Variants in MAP7 observed in about 807,000 individuals in gnomAD.
MAP7 encodes ensconsin.
A neutral mutation model predicts 94.8 loss-of-function variants in MAP7; 52 were observed. That is an observed-to-expected ratio of 0.55 (90% CI 0.44 to 0.69). The LOEUF (loss-of-function observed/expected upper bound fraction) is 0.69, where lower values mean the gene tolerates loss of function less well. MAP7 is among the 30% of genes least tolerant of loss of function. The pLI is 0.00. For missense variants in MAP7, 940 were observed against 964.6 expected (o/e 0.97, Z 0.34); for synonymous variants, 350 against 357.0 (o/e 0.98, Z 0.22).
At chr6:136,363,016 T>G (rs1207080725) in intron 10 of MAP7, among the ~76,000 whole-genome samples, 1 of 152,222 alleles carries the variant, frequency 6.6e-6, no homozygotes, top group African/African-American at 2.4e-5. Flanking sequence ...TGGGGAGTTA[T>G]ACACTGAGCA....
intron 16 of MAP7, among the ~76,000 whole-genome samples, chr6:136,350,991 A>C (rs1318626116): frequency 6.6e-6 from 1 of 152,224 alleles, no homozygotes; most frequent in Non-Finnish European, 1.5e-5. Flanking sequence ...AAGCAGGATA[A>C]AATTTAAGTA....
chr6:136,463,784 T>C (rs778967034), intron 1 of MAP7, among the ~76,000 whole-genome samples: 3 of 152,166 alleles, frequency 2.0e-5, no homozygotes, highest in Non-Finnish European at 4.4e-5. Flanking sequence ...CAGGCAAACA[T>C]GAAGTGTTGG....
In MAP7 at chr6:136,454,988, G is replaced by T. The variant is rs77476360; in HGVS notation, c.68-33189C>A. On this transcript the variant is annotated intron_variant, in intron 1 of 17. Transcript: ENST00000354570. ...TTGGCCAAGAGAAGAGACACTAGGA[G>T]ACAAAAATTGCCTTAAACTTATGCT... 2.8e-3 allele frequency among the ~76,000 whole-genome samples: 428 copies of T among 152,124 alleles called. 3 individuals are homozygous for T. The highest frequency in any genetic ancestry group is 9.6e-3 in the African/African-American group (398 of 41,490).
At chr6:136,362,412 C>A in intron 11 of MAP7, 38 bp downstream of exon 11, 1 of 1,605,884 alleles carries the variant, frequency 6.2e-7, no homozygotes, top group South Asian at 1.1e-5. Context: ...TCCAAAGTAT[C>A]ACTGACACCA....
intron 17 of MAP7, among the ~76,000 whole-genome samples, chr6:136,345,084 T>C (rs1297025564): frequency 1.3e-5 from 2 of 152,198 alleles, no homozygotes; most frequent in African/African-American, 4.8e-5. Flanking sequence ...GGAGCACAGA[T>C]TATCTTGCTA....
At chr6:136,381,771 T>C (rs1014067607) in intron 6 of MAP7, among the ~76,000 whole-genome samples, 2 of 151,898 alleles carry the variant, frequency 1.3e-5, no homozygotes, top group Non-Finnish European at 2.9e-5. Context: ...GCCTCTACCA[T>C]GATTCATAGG....
chr6:136,411,598 A>G, intron 3 of MAP7, 22 bp downstream of exon 3: 2 of 1,552,796 alleles, frequency 1.3e-6, no homozygotes, highest in Non-Finnish European at 8.7e-7. Context: ...AATCAGGGCC[A>G]TGGACACGGG....
intron 1 of MAP7, among the ~76,000 whole-genome samples, chr6:136,549,137 T>A (rs1302832399): frequency 1.3e-5 from 2 of 152,212 alleles, no homozygotes; most frequent in Non-Finnish European, 2.9e-5. Context: ...AGCAGATACA[T>A]AATTTGCAAA....
chr6:136,456,764 G>GAAGAAGAA (rs1803047596), intron 1 of MAP7, among the ~76,000 whole-genome samples: 4 of 24,358 alleles, frequency 1.6e-4, no homozygotes, highest in African/African-American at 6.5e-4. Context: ...AGGAGGAGGA[G>GAAGAAGAA]GAGGAAGAAG....
At chr6:136,448,905 TAGA>T (rs1002786303) in intron 1 of MAP7, among the ~76,000 whole-genome samples, 8 of 151,540 alleles carry the variant, frequency 5.3e-5, no homozygotes, top group African/African-American at 1.7e-4. Flanking sequence ...TTAGAATGAC[TAGA>T]AGAATTCTTC....
chr6:136,354,732 G>T (rs557319532), intron 16 of MAP7, among the ~76,000 whole-genome samples: 10 of 151,884 alleles, frequency 6.6e-5, no homozygotes, highest in Non-Finnish European at 1.5e-4. Flanking sequence ...GTTCATTTTG[G>T]TTTCATTACA....
chr6:136,433,882 T>C (rs191589440), intron 1 of MAP7, among the ~76,000 whole-genome samples: 45 of 152,074 alleles, frequency 3.0e-4, no homozygotes, highest in Non-Finnish European at 7.4e-5. Context: ...TGCCAGGGAG[T>C]ACCTGAGAAG....
chr6:136,352,185 T>C, intron 16 of MAP7, among the ~76,000 whole-genome samples: 1 of 125,844 alleles, frequency 7.9e-6, no homozygotes, highest in African/African-American at 2.9e-5. Flanking sequence ...GTATCTGCTA[T>C]TCGTATTTTT....
At chr6:136,467,029 C>T (rs1426892743) in intron 1 of MAP7, 1 of 434,692 alleles carries the variant, frequency 2.3e-6, no homozygotes, top group Non-Finnish European at 3.1e-6. Flanking sequence ...CTGGGAAATG[C>T]TTCTGTTCAA....
intron 15 of MAP7, 52 bp from the exon 16 acceptor site, chr6:136,356,846 G>T: frequency 7.0e-7 from 1 of 1,438,598 alleles, no homozygotes; most frequent in Non-Finnish European, 9.7e-7. Context: ...TCTTTTCTTA[G>T]ACCTAACCTC....
Position 136,365,983 on chromosome 6 carries a change from G to C in MAP7, c.1025C>G (p.Thr342Arg), listed in dbSNP as rs1323716631. ...PSKSLPHLPG[T>R]PRPTSSLPPG... ...TGGCAAGGAGGATGTCGGTCTGGGT[G>C]TGCCAGGCAAATGAGGAAGAGACTT... Residue 342 changes from threonine (T) to arginine (R), a missense_variant, in exon 10 of 18, where the codon ACA becomes AGA. Transcript: ENST00000354570. 7 of 1,612,728 alleles carry C rather than the reference G, an allele frequency of 4.3e-6. No homozygotes were observed. The South Asian group carries it at 7.7e-5, about 18-fold the overall frequency.
chr6:136,512,307 G>A (rs1390459405), intron 1 of MAP7, among the ~76,000 whole-genome samples: 1 of 152,236 alleles, frequency 6.6e-6, no homozygotes, highest in Non-Finnish European at 1.5e-5. Flanking sequence ...TCTTGAATCA[G>A]CACCTAGAAA....
intron 1 of MAP7, chr6:136,525,879 T>C: frequency 6.5e-7 from 1 of 1,535,958 alleles, no homozygotes; most frequent in African/African-American, 1.4e-5. Flanking sequence ...GTCTTCCTCA[T>C]TAATGGTGAA....
intron 1 of MAP7, chr6:136,525,986 T>C (rs1296619075): frequency 6.7e-7 from 1 of 1,494,736 alleles, no homozygotes; most frequent in African/African-American, 1.4e-5. Context: ...TTGTTTTTTT[T>C]TTTTTTAATT....
Sources: gnomAD v4.1 joint callset for allele counts (sites outside exome capture counted in the v4.1 genomes callset) on GRCh38, gnomAD v4.1.1 for gene constraint, MANE v1.5 for transcripts, NCBI Gene and HGNC (gene_info 2026-07-23, HGNC 2026-07-21) for gene names.